FAM13C: variants seen among roughly 807,000 people sequenced by gnomAD.
FAM13C encodes the protein protein FAM13C.
FAM13C carries 37 observed loss-of-function variants against 73.2 expected under a neutral mutation model. The ratio of observed to expected loss-of-function variants is 0.51; its 90% CI spans 0.39 to 0.67. The LOEUF (loss-of-function observed/expected upper bound fraction) is 0.67, where lower values mean the gene tolerates loss of function less well. FAM13C is among the 30% of genes least tolerant of loss of function. FAM13C has a pLI of 0.00. For synonymous variants in FAM13C, 246 were observed against 260.9 expected (o/e 0.94, Z 0.55); for missense variants, 589 against 715.6 (o/e 0.82, Z 2.02).
chr10:59,294,941 A>G (rs949063408), intron 5 of FAM13C, among the ~76,000 whole-genome samples: 13 of 152,180 alleles, frequency 8.5e-5, no homozygotes, highest in Non-Finnish European at 1.9e-4. Flanking sequence ...AGAGACCAAC[A>G]TTATGCAGCA....
At chr10:59,352,145 A>C in intron 3 of FAM13C, 125 bp downstream of exon 3, 1 of 1,044,454 alleles carries the variant, frequency 9.6e-7, no homozygotes, top group Non-Finnish European at 1.4e-6. Flanking sequence ...TCGGCAGAGC[A>C]CGCAATGACA....
intron 3 of FAM13C, among the ~76,000 whole-genome samples, chr10:59,342,356 G>A (rs1853625009): frequency 6.7e-5 from 1 of 14,978 alleles, no homozygotes; most frequent in East Asian, 2.0e-3. Context: ...TTTAAAGTTT[G>A]AACTAAAAAA....
At chr10:59,286,290 G>A (rs566775203) in intron 5 of FAM13C, among the ~76,000 whole-genome samples, 78 of 152,100 alleles carry the variant, frequency 5.1e-4, no homozygotes, top group African/African-American at 1.8e-3. Flanking sequence ...TGAGACAGGC[G>A]GATCACTTGA....
At chr10:59,311,063 C>T (rs1161975198) in intron 4 of FAM13C, among the ~76,000 whole-genome samples, 2 of 152,132 alleles carry the variant, frequency 1.3e-5, no homozygotes, top group African/African-American at 4.8e-5. Context: ...GGAACACATT[C>T]CCAAAGAGAG....
intron 3 of FAM13C, among the ~76,000 whole-genome samples, chr10:59,348,763 G>T (rs1854638686): frequency 6.6e-6 from 1 of 152,102 alleles, no homozygotes; most frequent in Non-Finnish European, 1.5e-5. Flanking sequence ...AGCCTCCCGA[G>T]TAGCTGGGAC....
intron 4 of FAM13C, among the ~76,000 whole-genome samples, chr10:59,306,061 T>C (rs1848215352): frequency 6.6e-6 from 1 of 152,180 alleles, no homozygotes; most frequent in Non-Finnish European, 1.5e-5. Flanking sequence ...TTCTATAGAG[T>C]AGCACCAGCA....
At chr10:59,260,303 A>T (rs993342818) in intron 10 of FAM13C, among the ~76,000 whole-genome samples, 3 of 152,084 alleles carry the variant, frequency 2.0e-5, no homozygotes, top group South Asian at 2.1e-4. Flanking sequence ...TTCTGCTCTC[A>T]ACTGTTCAAC....
intron 4 of FAM13C, among the ~76,000 whole-genome samples, chr10:59,322,892 T>G (rs1213217600): frequency 1.3e-5 from 2 of 152,172 alleles, no homozygotes; most frequent in Non-Finnish European, 2.9e-5. Flanking sequence ...AGGTATTACC[T>G]GAGGTCAGGT....
intron 4 of FAM13C, among the ~76,000 whole-genome samples, chr10:59,313,139 A>G (rs1849130168): frequency 6.6e-6 from 1 of 152,178 alleles, no homozygotes; most frequent in South Asian, 2.1e-4. Context: ...TTAGCGTGGG[A>G]TCATCCAGTG....
chr10:59,274,208 AC>A (rs1844059961), intron 6 of FAM13C, among the ~76,000 whole-genome samples: 2 of 140,156 alleles, frequency 1.4e-5, no homozygotes, highest in South Asian at 4.6e-4. Context: ...ATGAAAAACA[AC>A]CAAGAAAACA....
rs867508116 is a variant in FAM13C, at chr10:59,355,829, C to T, written c.119+58G>A. 108 of 1,464,834 alleles carry T rather than the reference C, an allele frequency of 7.4e-5. 1 individual carries two copies. In the Middle Eastern group the frequency reaches 2.0e-3, roughly 27 times the overall value. The allele number at this position is 1,464,834 out of a possible 1,614,324, so 90.7% of individuals were successfully genotyped here. A position where few individuals can be genotyped will look rare whatever the true frequency, so the allele number is the denominator to read the frequency against. On this transcript the variant is annotated intron_variant, in intron 2 of 13. Transcript: ENST00000618804. Reference sequence around the variant, plus strand: ...GAGACTAGAATTCAAAGGAAAGCCACCAGACCTAGATGGCTTCTGTCTCTC... The same window carrying T: ...GAGACTAGAATTCAAAGGAAAGCCATCAGACCTAGATGGCTTCTGTCTCTC...
chr10:59,310,046 G>A (rs921666965), intron 4 of FAM13C, among the ~76,000 whole-genome samples: 2 of 152,120 alleles, frequency 1.3e-5, no homozygotes, highest in African/African-American at 4.8e-5. Context: ...TTAATTAGTA[G>A]CTTTTGAACC....
At chr10:59,269,623 A>G (rs1226943137) in intron 7 of FAM13C, among the ~76,000 whole-genome samples, 1 of 152,180 alleles carries the variant, frequency 6.6e-6, no homozygotes, top group Non-Finnish European at 1.5e-5. Context: ...ATGTACATAT[A>G]CTTACTTAAG....
At chr10:59,321,388 T>C (rs894759869) in intron 4 of FAM13C, among the ~76,000 whole-genome samples, 6 of 150,830 alleles carry the variant, frequency 4.0e-5, no homozygotes, top group Non-Finnish European at 8.8e-5. Flanking sequence ...AATGGATAGA[T>C]TCTTCCCTAG....
chr10:59,289,270 C>T (rs762109162), intron 5 of FAM13C, among the ~76,000 whole-genome samples: 1 of 152,194 alleles, frequency 6.6e-6, no homozygotes, highest in Admixed American at 6.5e-5. Context: ...CTCATCTTCT[C>T]GGGCCGTGCA....
chr10:59,360,315 C>T (rs976415275), intron 1 of FAM13C, among the ~76,000 whole-genome samples: 28 of 152,124 alleles, frequency 1.8e-4, no homozygotes, highest in Non-Finnish European at 7.3e-5. Flanking sequence ...AAGAAATCAT[C>T]TCTAGGTGAA....
chr10:59,355,001 T>C (rs1378499403), intron 2 of FAM13C, among the ~76,000 whole-genome samples: 3 of 151,160 alleles, frequency 2.0e-5, no homozygotes, highest in Non-Finnish European at 2.9e-5. Flanking sequence ...TCACCAATAA[T>C]AATAATAATA....
At chr10:59,293,970 G>A (rs1846597216) in intron 5 of FAM13C, among the ~76,000 whole-genome samples, 1 of 152,190 alleles carries the variant, frequency 6.6e-6, no homozygotes, top group Non-Finnish European at 1.5e-5. Flanking sequence ...AGGGGTAGGG[G>A]GAACAGAATA....
chr10:59,302,696 A>C lies in FAM13C; in HGVS notation c.507+105T>G, dbSNP rs1847737071. ...TATTACAAGTTCACTTAAAAGCAAA[A>C]ATACTAAGTTTTCATGAGAATGAAT... On this transcript the variant is annotated intron_variant, in intron 5 of 13. Coordinates refer to ENST00000618804, the MANE Select transcript of FAM13C (RefSeq NM_198215.4). The C allele has an allele frequency of 2.7e-6, 3 of 1,099,456 alleles. No homozygotes were observed. In the East Asian group the frequency reaches 7.1e-5, roughly 26 times the overall value. 68.1% of individuals were successfully genotyped at this position (1,099,456 alleles called of 1,614,324 possible). A position where few individuals can be genotyped will look rare whatever the true frequency, so the allele number is the denominator to read the frequency against.
Sources: allele counts gnomAD v4.1 joint callset (sites outside exome capture counted in the v4.1 genomes callset), GRCh38; gene constraint gnomAD v4.1.1; transcripts MANE v1.5; gene names NCBI Gene and HGNC (gene_info 2026-07-23, HGNC 2026-07-21).